The following B3GALT1 variants were observed in gnomAD, a reference collection of about 807,000 sequenced individuals.
B3GALT1 encodes beta-1,3-galactosyltransferase 1, also known as UDP-Gal:betaGlcNAc beta 1,3-galactosyltransferase, polypeptide 1.
B3GALT1 carries 10 observed loss-of-function variants against 23.2 expected under a neutral mutation model. The ratio of observed to expected loss-of-function variants is 0.43; its 90% CI spans 0.27 to 0.73. The LOEUF (loss-of-function observed/expected upper bound fraction) is 0.73. Ranked by LOEUF, B3GALT1 falls within the 30% of genes least tolerant of loss-of-function variation. The probability of loss-of-function intolerance (pLI) is 0.21; values close to 1 mark genes in which losing one functional copy is unlikely to be tolerated. For synonymous variants in B3GALT1, 156 were observed against 141.5 expected (o/e 1.10, Z -0.73); for missense variants, 299 against 405.4 (o/e 0.74, Z 2.25).
intron 4 of B3GALT1, among the ~76,000 whole-genome samples, chr2:167,845,472 G>A (rs1689737473): frequency 6.6e-6 from 1 of 152,092 alleles, no homozygotes; most frequent in African/African-American, 2.4e-5. Flanking sequence ...ACTTACTTAC[G>A]GAGTGGCTAG....
intron 1 of B3GALT1, among the ~76,000 whole-genome samples, chr2:167,424,914 T>C (rs972658431): frequency 6.6e-6 from 1 of 152,200 alleles, no homozygotes; most frequent in African/African-American, 2.4e-5. Flanking sequence ...AGAATTTTTT[T>C]CCCCATCATT....
At chr2:167,709,852 A>T (rs1349684609) in intron 3 of B3GALT1, among the ~76,000 whole-genome samples, 1 of 152,212 alleles carries the variant, frequency 6.6e-6, no homozygotes, top group African/African-American at 2.4e-5. Flanking sequence ...ATGAAATGAG[A>T]CAAATATTCC....
In B3GALT1 at chr2:167,833,933, C is replaced by T. The variant is rs141108575; in HGVS notation, c.-230+15140C>T. Among the ~76,000 whole-genome samples the T allele has an allele frequency of 6.9e-3, 1,049 of 152,084 alleles. 2 individuals carry two copies. The highest frequency in any genetic ancestry group is 0.011 in the Admixed American group (163 of 15,284). ...AAATTATCTCTAAGACTACTTCCAA[C>T]GCTGAAATTTGAGGTGTAAGGATAA... is the stretch of plus-strand genomic sequence containing the variant. On this transcript the variant is annotated intron_variant, in intron 4 of 4. Transcript: ENST00000392690.
intron 1 of B3GALT1, among the ~76,000 whole-genome samples, chr2:167,347,824 A>G (rs1315504870): frequency 6.6e-5 from 10 of 152,212 alleles, no homozygotes; most frequent in Non-Finnish European, 2.9e-5. Flanking sequence ...AAACAAAACA[A>G]TTCACTTACT....
At chr2:167,680,437 C>G (rs573151818) in intron 3 of B3GALT1, among the ~76,000 whole-genome samples, 11 of 106,228 alleles carry the variant, frequency 1.0e-4, no homozygotes, top group Non-Finnish European at 2.5e-4. Flanking sequence ...ACTTTGTATG[C>G]ACTCACAAGT....
chr2:167,540,040 A>G (rs879919841), intron 2 of B3GALT1, among the ~76,000 whole-genome samples: 1 of 152,180 alleles, frequency 6.6e-6, no homozygotes, highest in African/African-American at 2.4e-5. Context: ...ATTTAAAGTA[A>G]TTACCAAATG....
At chr2:167,846,831 A>AACTC (rs1689770586) in intron 4 of B3GALT1, among the ~76,000 whole-genome samples, 2 of 152,228 alleles carry the variant, frequency 1.3e-5, no homozygotes, top group Admixed American at 1.3e-4. Flanking sequence ...AATGGATAAG[A>AACTC]ACTCACCAAC....
intron 3 of B3GALT1, among the ~76,000 whole-genome samples, chr2:167,723,614 T>G (rs1480569163): frequency 6.6e-6 from 1 of 151,980 alleles, no homozygotes; most frequent in Non-Finnish European, 1.5e-5. Context: ...CACTGCAACA[T>G]CTGCCTCTTG....
intron 3 of B3GALT1, among the ~76,000 whole-genome samples, chr2:167,701,277 G>A (rs926211051): frequency 5.3e-5 from 8 of 151,996 alleles, no homozygotes; most frequent in African/African-American, 1.9e-4. Context: ...CTTATGGGGG[G>A]AGGAGGGGCG....
chr2:167,401,122 C>G (rs1698182864), intron 1 of B3GALT1, among the ~76,000 whole-genome samples: 1 of 151,940 alleles, frequency 6.6e-6, no homozygotes, highest in South Asian at 2.1e-4. Context: ...ACATTCTTGC[C>G]TCTGGAAAAG....
intron 4 of B3GALT1, among the ~76,000 whole-genome samples, chr2:167,841,881 A>C (rs1194318902): frequency 6.6e-6 from 1 of 152,224 alleles, no homozygotes; most frequent in Non-Finnish European, 1.5e-5. Context: ...TATTTAAGTA[A>C]CTTTTCATAC....
At position 167,573,207 on chromosome 2, in the gene B3GALT1, G is replaced by C. The variant is rs567632526; in HGVS notation, c.-409-73702G>C. Reference sequence around the variant, plus strand: ...AAATAATTTCAGAAGAAAGATAAAAGCTCTTTTAACCAAGAAAATACAATA... The same window carrying C: ...AAATAATTTCAGAAGAAAGATAAAACCTCTTTTAACCAAGAAAATACAATA... On this transcript the variant is annotated intron_variant, in intron 2 of 4. Coordinates refer to ENST00000392690, the MANE Select transcript of B3GALT1 (RefSeq NM_020981.4). Among the ~76,000 whole-genome samples the C allele has an allele frequency of 1.3e-4, 19 of 151,772 alleles. No homozygotes were observed. The South Asian group carries it at 2.1e-3, about 17-fold the overall frequency.
At chr2:167,773,668 G>A (rs1383384914) in intron 3 of B3GALT1, among the ~76,000 whole-genome samples, 4 of 152,202 alleles carry the variant, frequency 2.6e-5, no homozygotes, top group Non-Finnish European at 5.9e-5. Flanking sequence ...CATTGACCTG[G>A]CAAAGTGCTC....
intron 1 of B3GALT1, among the ~76,000 whole-genome samples, chr2:167,415,986 A>G (rs1222873758): frequency 6.6e-6 from 1 of 152,234 alleles, no homozygotes; most frequent in African/African-American, 2.4e-5. Context: ...GATGGAATTT[A>G]TAATGAAAAG....
At chr2:167,662,218 A>G (rs776599122) in intron 3 of B3GALT1, among the ~76,000 whole-genome samples, 6 of 152,110 alleles carry the variant, frequency 3.9e-5, no homozygotes, top group African/African-American at 1.2e-4. Flanking sequence ...ACATGAAAAT[A>G]TTTGTCATCC....
Position 167,873,858 on chromosome 2 carries a change from ATGT to A in B3GALT1, c.*3840_*3842del, listed in dbSNP as rs1165914331. The A allele has an allele frequency of 6.6e-6, 1 of 152,222 alleles. No individual in the cohort carries two copies. The highest frequency in any genetic ancestry group is 1.5e-5 in the Non-Finnish European group (1 of 68,042). 9.4% of individuals were successfully genotyped at this position (152,222 alleles called of 1,614,324 possible). A position where few individuals can be genotyped will look rare whatever the true frequency, so the allele number is the denominator to read the frequency against. ...ATCAGAATACTATTTTTTTGTATCA[ATGT>A]TATAAAACTAAAAATGACAGACACT... On this transcript the variant is annotated 3_prime_UTR_variant, in exon 5 of 5. Transcript: ENST00000392690.
intron 2 of B3GALT1, among the ~76,000 whole-genome samples, chr2:167,497,347 G>A (rs902403580): frequency 2.0e-5 from 3 of 152,114 alleles, no homozygotes; most frequent in African/African-American, 7.2e-5. Context: ...AGTATCCTAA[G>A]GGAGAGTATT....
At chr2:167,493,670 AG>A (rs2105343904) in intron 2 of B3GALT1, among the ~76,000 whole-genome samples, 1 of 152,244 alleles carries the variant, frequency 6.6e-6, no homozygotes, top group South Asian at 2.1e-4. Context: ...CCAGTGCAGG[AG>A]GGTTGGGTGG....
intron 1 of B3GALT1, among the ~76,000 whole-genome samples, chr2:167,486,691 C>T (rs889996199): frequency 2.6e-5 from 4 of 152,136 alleles, no homozygotes; most frequent in Non-Finnish European, 5.9e-5. Context: ...GCACTCCAGC[C>T]TGGTGAAAGA....
Sources: allele counts gnomAD v4.1 joint callset (sites outside exome capture counted in the v4.1 genomes callset), GRCh38; gene constraint gnomAD v4.1.1; transcripts MANE v1.5; gene names NCBI Gene and HGNC (gene_info 2026-07-23, HGNC 2026-07-21).